Variants in RARB observed in about 807,000 individuals in gnomAD.
RARB encodes HBV-activated protein.
In RARB, 17 loss-of-function variants were observed where a neutral mutation model predicts 51.9. The ratio of observed to expected loss-of-function variants is 0.33; its 90% CI spans 0.22 to 0.49. The LOEUF is 0.49. Ranked by LOEUF, RARB falls within the 20% of genes least tolerant of loss-of-function variation. The pLI, the probability that RARB is intolerant of heterozygous loss-of-function variation, is 0.99. For synonymous variants in RARB, 215 were observed against 195.4 expected, an observed-to-expected ratio of 1.10 and a Z score of -0.84; for missense variants, 369 against 550.8, an observed-to-expected ratio of 0.67 and a Z score of 3.30.
intron 5 of RARB, among the ~76,000 whole-genome samples, chr3:25,281,278 T>C (rs1385217184): frequency 6.6e-6 from 1 of 152,214 alleles, no homozygotes; most frequent in Non-Finnish European, 1.5e-5. Context: ...ATCTCGTCTA[T>C]TGAAACTGCC....
At chr3:25,160,639 T>C (rs1200678645) in intron 4 of RARB, among the ~76,000 whole-genome samples, 1 of 152,210 alleles carries the variant, frequency 6.6e-6, no homozygotes, top group Non-Finnish European at 1.5e-5. Flanking sequence ...CATGGGTTGA[T>C]GTATTAGGTT....
chr3:25,011,887 C>A (rs917206153), intron 2 of RARB, among the ~76,000 whole-genome samples: 1 of 151,898 alleles, frequency 6.6e-6, no homozygotes, highest in Non-Finnish European at 1.5e-5. Context: ...GAATCTTGAT[C>A]CAGTCCCTAA....
intron 3 of RARB, among the ~76,000 whole-genome samples, chr3:25,060,429 G>C (rs145412913): frequency 2.2e-4 from 33 of 151,922 alleles, no homozygotes; most frequent in Non-Finnish European, 5.9e-5. Flanking sequence ...GGATGGTATA[G>C]AGCAGAGGGT....
chr3:25,269,450 C>T (rs1703201916), intron 5 of RARB, among the ~76,000 whole-genome samples: 1 of 152,166 alleles, frequency 6.6e-6, no homozygotes, highest in Non-Finnish European at 1.5e-5. Flanking sequence ...CTTCCACTTA[C>T]TAGCTGCATG....
chr3:25,408,155 A>G (rs949028806), intron 5 of RARB, among the ~76,000 whole-genome samples: 1 of 152,152 alleles, frequency 6.6e-6, no homozygotes, highest in African/African-American at 2.4e-5. Flanking sequence ...TTCATTAACT[A>G]CACTGAACAG....
intron 5 of RARB, among the ~76,000 whole-genome samples, chr3:25,386,490 G>A (rs1035074348): frequency 7.9e-5 from 12 of 152,166 alleles, no homozygotes; most frequent in African/African-American, 2.7e-4. Context: ...TTGCTTTTCT[G>A]GCTGCAGGGC....
At chr3:25,146,148 G>A (rs1700185296) in intron 4 of RARB, among the ~76,000 whole-genome samples, 1 of 152,086 alleles carries the variant, frequency 6.6e-6, no homozygotes, top group Non-Finnish European at 1.5e-5. Flanking sequence ...TCAGATATTT[G>A]GTTTTCTTCT....
intron 5 of RARB, among the ~76,000 whole-genome samples, chr3:25,221,983 A>C (rs1701958232): frequency 6.6e-6 from 1 of 152,204 alleles, no homozygotes; most frequent in South Asian, 2.1e-4. Context: ...AAGCAGAATC[A>C]GCTTAGAGAT....
rs568480363 is a variant in RARB, at chr3:25,224,006, A to G, written c.178+49431A>G. Among the ~76,000 whole-genome samples, 11 of 152,344 alleles carry G rather than the reference A, an allele frequency of 7.2e-5. No individual in the cohort carries two copies. The South Asian group carries it at 1.2e-3, about 17-fold the overall frequency. ...CAGTTCCAAGGGTTTTTCTAAACAC[A>G]TAAAGCATAATCAAGAAATGGTACA... On this transcript the variant is annotated intron_variant, in intron 5 of 11. Coordinates refer to the RARB transcript ENST00000383772.
chr3:25,200,235 A>T (rs1300476442), intron 5 of RARB, among the ~76,000 whole-genome samples: 1 of 151,404 alleles, frequency 6.6e-6, no homozygotes, highest in African/African-American at 2.4e-5. Flanking sequence ...TTGGCTGCAT[A>T]AATGTCTTCT....
intron 5 of RARB, among the ~76,000 whole-genome samples, chr3:25,347,006 A>G (rs888265763): frequency 6.6e-6 from 1 of 152,216 alleles, no homozygotes; most frequent in African/African-American, 2.4e-5. Context: ...AAGAGAAAGC[A>G]TTGGGAATAT....
At chr3:24,862,777 T>C (rs1392910447) in intron 2 of RARB, among the ~76,000 whole-genome samples, 1 of 152,228 alleles carries the variant, frequency 6.6e-6, no homozygotes, top group Non-Finnish European at 1.5e-5. Flanking sequence ...ATATCATCTT[T>C]ATATTATACT....
chr3:25,548,589 T>C (rs1699716117), intron 3 of RARB, among the ~76,000 whole-genome samples: 1 of 151,256 alleles, frequency 6.6e-6, no homozygotes, highest in Non-Finnish European at 1.5e-5. Context: ...AGGATGTTTT[T>C]TTCCTGCTGA....
chr3:24,978,540 A>G (rs1696570075), intron 2 of RARB, among the ~76,000 whole-genome samples: 1 of 152,054 alleles, frequency 6.6e-6, no homozygotes. Context: ...ATTTATTTGC[A>G]TAGAGGTGTT....
At chr3:25,202,367 G>A (rs1483711121) in intron 5 of RARB, among the ~76,000 whole-genome samples, 1 of 151,444 alleles carries the variant, frequency 6.6e-6, no homozygotes, top group East Asian at 1.9e-4. Context: ...CCATTTTGTT[G>A]ATCTTTTCAA....
intron 3 of RARB, among the ~76,000 whole-genome samples, chr3:25,131,605 C>T (rs1001150650): frequency 2.6e-5 from 4 of 151,902 alleles, no homozygotes; most frequent in African/African-American, 9.7e-5. Context: ...AACATATATA[C>T]ATATATTTGT....
chr3:24,875,425 T>G (rs1167917540), intron 2 of RARB, among the ~76,000 whole-genome samples: 1 of 152,184 alleles, frequency 6.6e-6, no homozygotes, highest in African/African-American at 2.4e-5. Flanking sequence ...GCAAGTTCCT[T>G]ATGTACTTTA....
intron 5 of RARB, among the ~76,000 whole-genome samples, chr3:25,409,792 A>G (rs974843964): frequency 1.3e-5 from 2 of 152,224 alleles, no homozygotes; most frequent in Non-Finnish European, 2.9e-5. Context: ...ATTTTACCGC[A>G]CATGTCACCA....
intron 5 of RARB, among the ~76,000 whole-genome samples, chr3:25,341,392 G>T (rs1479459984): frequency 6.6e-6 from 1 of 152,174 alleles, no homozygotes; most frequent in Non-Finnish European, 1.5e-5. Flanking sequence ...GTAGAAAAAG[G>T]TTGTGGAACT....
Sources: allele counts gnomAD v4.1 joint callset (sites outside exome capture counted in the v4.1 genomes callset), GRCh38; gene constraint gnomAD v4.1.1; transcripts MANE v1.5; gene names NCBI Gene and HGNC (gene_info 2026-07-23, HGNC 2026-07-21).